Variants in TMEM74 observed in about 807,000 individuals in gnomAD.
TMEM74 encodes transmembrane protein 74.
In TMEM74, 13 loss-of-function variants were observed where a neutral mutation model predicts 18.1. The ratio of observed to expected loss-of-function variants is 0.72; its 90% CI spans 0.47 to 1.14. TMEM74 has a LOEUF of 1.14. TMEM74 is among the 50% of genes most tolerant of loss of function. The probability of loss-of-function intolerance (pLI) is 0.00; values close to 1 mark genes in which losing one functional copy is unlikely to be tolerated. For synonymous variants in TMEM74, 159 were observed against 146.6 expected (o/e 1.08, Z -0.61); for missense variants, 372 against 375.9 (o/e 0.99, Z 0.09).
intron 2 of TMEM74, among the ~76,000 whole-genome samples, chr8:108,613,827 T>C (rs1473114271): frequency 6.6e-6 from 1 of 152,184 alleles, no homozygotes; most frequent in African/African-American, 2.4e-5. Flanking sequence ...ATGAGGAGTA[T>C]AAACTACAAG....
chr8:108,651,658 T>A (rs533941325), intron 2 of TMEM74, among the ~76,000 whole-genome samples: 1 of 151,040 alleles, frequency 6.6e-6, no homozygotes, highest in Non-Finnish European at 1.5e-5. Flanking sequence ...AGCTTTGAGG[T>A]GTGTGTGTGT....
chr8:108,699,127 C>G (rs1813309338), intron 1 of TMEM74, among the ~76,000 whole-genome samples: 1 of 131,270 alleles, frequency 7.6e-6, no homozygotes. Context: ...CTCTTGTACC[C>G]TTCCCTCCCC....
intron 2 of TMEM74, among the ~76,000 whole-genome samples, chr8:108,654,078 T>C (rs962774745): frequency 2.0e-5 from 3 of 152,182 alleles, no homozygotes; most frequent in Non-Finnish European, 4.4e-5. Flanking sequence ...GGGACCATTG[T>C]TTTCATTATA....
intron 1 of TMEM74, among the ~76,000 whole-genome samples, chr8:108,739,905 G>C (rs1168436564): frequency 2.0e-5 from 3 of 152,094 alleles, no homozygotes; most frequent in Non-Finnish European, 4.4e-5. Context: ...AGAGAGAGAA[G>C]TGGGACCGGG....
chr8:108,741,876 G>T (rs1008777074), intron 1 of TMEM74, among the ~76,000 whole-genome samples: 1 of 152,054 alleles, frequency 6.6e-6, no homozygotes, highest in Non-Finnish European at 1.5e-5. Context: ...ATTCACAATA[G>T]CAAACACATG....
intron 2 of TMEM74, among the ~76,000 whole-genome samples, chr8:108,645,994 G>A (rs185551175): frequency 2.0e-5 from 3 of 151,916 alleles, no homozygotes; most frequent in Admixed American, 2.0e-4. Context: ...ATTTATGCTT[G>A]CCTCTATTAG....
At chr8:108,757,123 A>G (rs1463686976) in intron 1 of TMEM74, among the ~76,000 whole-genome samples, 1 of 152,110 alleles carries the variant, frequency 6.6e-6, no homozygotes, top group East Asian at 1.9e-4. Context: ...ATTAGAATAT[A>G]TCCTGTTCTT....
At chr8:108,772,912 A>T (rs992510494) in intron 1 of TMEM74, among the ~76,000 whole-genome samples, 1 of 152,174 alleles carries the variant, frequency 6.6e-6, no homozygotes, top group African/African-American at 2.4e-5. Flanking sequence ...TGGGGATTCG[A>T]TGAGTAAATA....
chr8:108,684,067 G>T (rs932461257), intron 1 of TMEM74, among the ~76,000 whole-genome samples: 1 of 151,956 alleles, frequency 6.6e-6, no homozygotes, highest in Non-Finnish European at 1.5e-5. Flanking sequence ...ATAAACATGG[G>T]CTGCAGATGT....
chr8:108,698,449 A>C (rs1469329734), intron 1 of TMEM74, among the ~76,000 whole-genome samples: 1 of 152,198 alleles, frequency 6.6e-6, no homozygotes, highest in African/African-American at 2.4e-5. Flanking sequence ...TGTAGAATGG[A>C]CATAATTACG....
chr8:108,676,700 T>C (rs1043558802), intron 1 of TMEM74, among the ~76,000 whole-genome samples: 1 of 152,222 alleles, frequency 6.6e-6, no homozygotes, highest in Non-Finnish European at 1.5e-5. Context: ...AACTAGAATG[T>C]AAACACCTTG....
intron 2 of TMEM74, among the ~76,000 whole-genome samples, chr8:108,648,329 A>T (rs1335601056): frequency 6.6e-6 from 1 of 152,118 alleles, no homozygotes; most frequent in African/African-American, 2.4e-5. Flanking sequence ...GCAAGCCTGC[A>T]GGGGAAAAGA....
At chr8:108,739,454 CAG>C (rs1430989093) in intron 1 of TMEM74, among the ~76,000 whole-genome samples, 9 of 152,208 alleles carry the variant, frequency 5.9e-5, no homozygotes, top group African/African-American at 2.2e-4. Context: ...TAGGACAGTT[CAG>C]ACCCTTGGGG....
chr8:108,663,657 C>G (rs1025894620), intron 1 of TMEM74, among the ~76,000 whole-genome samples: 3 of 152,092 alleles, frequency 2.0e-5, no homozygotes, highest in African/African-American at 4.8e-5. Flanking sequence ...GATACATGCA[C>G]GCATATGTTC....
chr8:108,739,140 GATAA>G (rs1225135058), intron 1 of TMEM74, among the ~76,000 whole-genome samples: 3 of 152,222 alleles, frequency 2.0e-5, no homozygotes, highest in African/African-American at 7.2e-5. Flanking sequence ...TTGACTTTTT[GATAA>G]ATAAATAAAT....
At chr8:108,739,088 T>C (rs760010371) in intron 1 of TMEM74, among the ~76,000 whole-genome samples, 46 of 152,158 alleles carry the variant, frequency 3.0e-4, no homozygotes, top group Non-Finnish European at 5.3e-4. Context: ...GCAAGAAAAT[T>C]GGGGGCCATA....
At chr8:108,774,756 A>ATTTTTTTTT (rs71305916), downstream of TMEM74, among the ~76,000 whole-genome samples, 1 of 121,222 alleles carries the variant, frequency 8.2e-6, no homozygotes, top group African/African-American at 3.2e-5. Flanking sequence ...CCTTCCTTTA[A>ATTTTTTTTT]TTTTTTTTTT....
At chr8:108,629,179 T>C (rs1812525761) in intron 2 of TMEM74, among the ~76,000 whole-genome samples, 1 of 151,880 alleles carries the variant, frequency 6.6e-6, no homozygotes, top group Non-Finnish European at 1.5e-5. Context: ...GAGAACTTCA[T>C]AAAGCATACA....
At chr8:108,691,915 G>A (rs1165732992) in intron 1 of TMEM74, among the ~76,000 whole-genome samples, 1 of 151,698 alleles carries the variant, frequency 6.6e-6, no homozygotes, top group Admixed American at 6.6e-5. Context: ...TTGATTCTGG[G>A]CAACAGATTT....
Sources: gnomAD v4.1 joint callset for allele counts (sites outside exome capture counted in the v4.1 genomes callset) on GRCh38, gnomAD v4.1.1 for gene constraint, MANE v1.5 for transcripts, NCBI Gene and HGNC (gene_info 2026-07-23, HGNC 2026-07-21) for gene names.